The following TBC1D10B variants were observed in gnomAD, a reference collection of about 807,000 sequenced individuals.
TBC1D10B encodes TBC1 domain family member 10B, also known as Rab27A-GAPbeta.
TBC1D10B carries 25 observed loss-of-function variants against 78.4 expected under a neutral mutation model. That is an observed-to-expected ratio of 0.32 (90% CI 0.23 to 0.45). The LOEUF is 0.45. TBC1D10B is among the 20% of genes least tolerant of loss of function. TBC1D10B has a pLI of 1.00. For synonymous variants in TBC1D10B, 517 were observed against 478.0 expected, an observed-to-expected ratio of 1.08 and a Z score of -1.06; for missense variants, 996 against 1,104.8, an observed-to-expected ratio of 0.90 and a Z score of 1.40.
rs376908011 is a variant in TBC1D10B at position 30,358,032 on chromosome 16, G to A, written c.2339C>T (p.Ser780Leu). 1.5e-5 allele frequency: 24 copies of A among 1,551,712 alleles called. No homozygotes were observed. Among genetic ancestry groups the A allele is most frequent in the African/African-American group, 5.5e-5 (4 of 73,054 alleles). ...QEKKAQGRKL[S>L]LRRKADGPPG... The stretch of plus-strand genomic sequence containing the variant: ...GGGCCCATCTGCCTTTCGACGCAGC[G>A]AAAGCTTCCGGCCTTGAGCCTTCTT... The change falls in exon 9 of 9, where the codon TCG (serine) becomes TTG (leucine). Residue 780 changes from serine (S) to leucine (L), a missense_variant. Ser to Leu is a moderately radical substitution (Grantham distance 145). Around this residue, in one of 5 missense-constraint regions of TBC1D10B, gnomAD observed 285 missense variants for 252.5 expected, o/e 1.13. Transcript: ENST00000409939.
rs1415732462 is a variant in TBC1D10B at position 30,370,163 on chromosome 16, G to A, written c.21C>T (p.Pro7=). 8.5e-7 allele frequency: 1 copy of A among 1,183,154 alleles called. No individual in the cohort carries two copies. Among genetic ancestry groups the A allele is most frequent in the Non-Finnish European group, 1.0e-6 (1 of 956,644 alleles). 73.3% of individuals were successfully genotyped at this position (1,183,154 alleles called of 1,614,324 possible). A position where few individuals can be genotyped will look rare whatever the true frequency, so the allele number is the denominator to read the frequency against. ...CATGACGGCGCGGCGGGGCCACCAG[G>A]GGCGCCGTGCCCGTCTCCATGGCCG... is the stretch of plus-strand genomic sequence containing the variant. METGTA[P]LVAPPRRHGA... The change falls in exon 1 of 9, where the codon CCC becomes CCT. Residue 7 remains proline, a synonymous_variant. Transcript: ENST00000409939.
At position 30,359,860 on chromosome 16, in the gene TBC1D10B, A is replaced by C. The variant is rs943921928; in HGVS notation, c.1272-19T>G. ...CTGTTGCCTGTGGGGGTTGGGGAAG[A>C]CTGTGAGGGCAGTCACGGGCTGAGA... On this transcript the variant is annotated intron_variant, in intron 4 of 8. Coordinates refer to ENST00000409939, the MANE Select transcript of TBC1D10B (RefSeq NM_015527.4). The C allele has an allele frequency of 3.9e-6, 6 of 1,547,648 alleles. No individual in the cohort carries two copies. In the African/African-American group the frequency reaches 8.2e-5, roughly 21 times the overall value.
At chr16:30,367,076 A>T (rs1418890422) in intron 1 of TBC1D10B, 3 of 152,302 alleles carry the variant, frequency 2.0e-5, no homozygotes, top group Non-Finnish European at 4.4e-5. Context: ...CATGTCTTCA[A>T]TCCGATACTC....
At chr16:30,359,976 G>C (rs1354270864) in intron 4 of TBC1D10B, 135 bp from the exon 5 acceptor site, 1 of 816,326 alleles carries the variant, frequency 1.2e-6, no homozygotes, top group Non-Finnish European at 1.9e-6. Context: ...GCGAGCTTCA[G>C]CTAAAGGCTC....
In TBC1D10B at chr16:30,359,327, G is replaced by A; in HGVS notation, c.1487C>T (p.Ala496Val). Residue 496 changes from alanine (A) to valine (V), a missense_variant, in exon 7 of 9, where the codon GCA becomes GTA. By Grantham distance (64) the Ala-to-Val change is moderately conservative. Transcript: ENST00000409939. ...AIQLDGEIFF[A>V]LLRRASPLAH... ...CAGCGGGGAGGCCCGGCGCAGGAGT[G>A]CAAAAAAGATCTCCCCGTCCAGCTG... The A allele has an allele frequency of 1.3e-6, 2 of 1,585,782 alleles. No individual in the cohort carries two copies. Among genetic ancestry groups the A allele is most frequent in the Non-Finnish European group, 1.7e-6 (2 of 1,166,764 alleles).
At chr16:30,359,079 C>A in intron 7 of TBC1D10B, 93 bp downstream of exon 7, 2 of 1,447,290 alleles carry the variant, frequency 1.4e-6, no homozygotes, top group East Asian at 2.5e-5. Context: ...CAACAAGTAC[C>A]TTTTGTCCAT....
chr16:30,369,947 G>T lies in TBC1D10B; in HGVS notation c.237C>A (p.Ala79=). The T allele has an allele frequency of 8.2e-7, 1 of 1,217,798 alleles. No homozygotes were observed. Among genetic ancestry groups the T allele is most frequent in the Non-Finnish European group, 1.0e-6 (1 of 955,350 alleles). The allele number at this position is 1,217,798 out of a possible 1,614,324, so 75.4% of individuals were successfully genotyped here. A position where few individuals can be genotyped will look rare whatever the true frequency, so the allele number is the denominator to read the frequency against. The change falls in exon 1 of 9, where the codon GCC becomes GCA. Residue 79 remains alanine, a synonymous_variant. Transcript: ENST00000409939. The surrounding 1 kb of genome is among the most constrained non-coding windows in gnomAD (Gnocchi z 4.3). ...TSAPAPAPAP[A]PAPAVTGSTV... Reference sequence around the variant, plus strand: ...TGCTGCCCGTGACAGCCGGGGCTGGGGCCGGGGCTGGGGCCGGGGCCGGAG... The same window carrying T: ...TGCTGCCCGTGACAGCCGGGGCTGGTGCCGGGGCTGGGGCCGGGGCCGGAG...
At position 30,359,318 on chromosome 16, in the gene TBC1D10B, C is replaced by T. The variant is rs781386162; in HGVS notation, c.1496G>A (p.Arg499His). The change falls in exon 7 of 9, where the codon CGC becomes CAC. Residue 499 changes from arginine to histidine, a missense_variant. Around this residue, in one of 5 missense-constraint regions of TBC1D10B, gnomAD observed 168 missense variants for 238.7 expected, o/e 0.70. Coordinates refer to ENST00000409939, the MANE Select transcript of TBC1D10B (RefSeq NM_015527.4). ...GCGATGCGCCAGCGGGGAGGCCCGGCGCAGGAGTGCAAAAAAGATCTCCCC... is the reference window on the plus strand; with the variant it reads ...GCGATGCGCCAGCGGGGAGGCCCGGTGCAGGAGTGCAAAAAAGATCTCCCC... ...LDGEIFFALL[R>H]RASPLAHRHL... 9 of 1,590,634 alleles carry T rather than the reference C, an allele frequency of 5.7e-6. No individual in the cohort carries two copies. The highest frequency in any genetic ancestry group is 1.1e-5 in the South Asian group (1 of 87,868).
rs2049678166 is a variant in TBC1D10B, at chr16:30,370,213, C to G, written c.-30G>C. On this transcript the variant is annotated 5_prime_UTR_variant, in exon 1 of 9. Coordinates refer to ENST00000409939, the MANE Select transcript of TBC1D10B (RefSeq NM_015527.4). ...GCGGGCCGCCCCTCACATCCCCCCG[C>G]CGGGGAGGCCGCAGAAGGCGCCGCC... 1 of 1,101,026 alleles carries G rather than the reference C, an allele frequency of 9.1e-7. No homozygotes were observed. The highest frequency in any genetic ancestry group is 1.1e-6 in the Non-Finnish European group (1 of 893,496). 68.2% of individuals were successfully genotyped at this position (1,101,026 alleles called of 1,614,324 possible).
In TBC1D10B at chr16:30,358,004, TGGGGGCCC is replaced by T. The variant is rs1481873698; in HGVS notation, c.2359_2366del (p.Gly787ArgfsTer4). 6.4e-7 allele frequency: 1 copy of T among 1,551,768 alleles called. No individual in the cohort carries two copies. The highest frequency in any genetic ancestry group is 8.7e-7 in the Non-Finnish European group (1 of 1,146,986). ...GCCTGTCCCCACCATCATGGGGGCC[TGGGGGCCC>T]ATCTGCCTTTCGACGCAGCGAAAGC... On this transcript the variant is annotated frameshift_variant, in exon 9 of 9. Transcript: ENST00000409939. LOFTEE classifies it high-confidence loss of function.
In TBC1D10B at chr16:30,358,586, G is replaced by A. The variant is rs1285474422; in HGVS notation, c.1798-13C>T. 1.5e-5 allele frequency: 24 copies of A among 1,593,584 alleles called. No individual in the cohort carries two copies. Among genetic ancestry groups the A allele is most frequent in the Non-Finnish European group, 1.9e-5 (22 of 1,165,350 alleles). ...GCAGATTGGTCACCTGCACAGAGAG[G>A]AAATGCGTACCAGAATGGAGCTGAG... On this transcript the variant is annotated splice_polypyrimidine_tract_variant and intron_variant, in intron 8 of 8. Transcript: ENST00000409939.
chr16:30,369,264 T>C lies in TBC1D10B; in HGVS notation c.920A>G (p.Tyr307Cys). The C allele has an allele frequency of 6.3e-7, 1 of 1,588,162 alleles. No individual in the cohort carries two copies. The highest frequency in any genetic ancestry group is 2.3e-5 in the East Asian group (1 of 43,400). The change falls in exon 1 of 9, where the codon TAT (tyrosine) becomes TGT (cysteine). Residue 307 changes from tyrosine to cysteine, a missense_variant. Tyr to Cys is a radical substitution (Grantham distance 194). Around this residue, in one of 5 missense-constraint regions of TBC1D10B, gnomAD observed 448 missense variants for 442.1 expected, o/e 1.01. Coordinates refer to ENST00000409939, the MANE Select transcript of TBC1D10B (RefSeq NM_015527.4). This position sits in a 1 kb window ranked among gnomAD's most constrained non-coding sequence, Gnocchi z 4.3. ...GTACTGGCTGCCCCCAAGGAAGCCA[T>C]ACTTGTCCGTCTTGCGCAGGGCCAG... is the stretch of plus-strand genomic sequence containing the variant. ...NGLALRKTDK[Y>C]GFLGGSQYSG...
In TBC1D10B at chr16:30,365,290, C is replaced by T. The variant is rs2049628054; in HGVS notation, c.1057-78G>A. The stretch of plus-strand genomic sequence containing the variant: ...ACCTTTCCCCAGCAGTCCACAAACT[C>T]CCTGGATACTCCTCCGACATCCCAT... On this transcript the variant is annotated intron_variant, in intron 2 of 8. Transcript: ENST00000409939. This position sits in a 1 kb window ranked among gnomAD's most constrained non-coding sequence, Gnocchi z 5.0. 1.0e-5 allele frequency: 14 copies of T among 1,367,334 alleles called. No individual in the cohort carries two copies. The highest frequency in any genetic ancestry group is 1.5e-5 in the Non-Finnish European group (14 of 965,424). The allele number at this position is 1,367,334 out of a possible 1,614,324, so 84.7% of individuals were successfully genotyped here.
chr16:30,358,480 G>T lies in TBC1D10B; in HGVS notation c.1891C>A (p.Arg631=). 1 of 1,598,126 alleles carries T rather than the reference G, an allele frequency of 6.3e-7. No homozygotes were observed. The highest frequency in any genetic ancestry group is 1.1e-5 in the South Asian group (1 of 88,634). The part of the protein sequence containing the change: ...WRETRGELQY[R]PSRRLHGSRA... ...GACCCATGCAGTCGCCGTGAGGGCC[G>T]ATACTGCAGCTCCCCCCGCGTTTCC... The change falls in exon 9 of 9, where the codon CGG becomes AGG. Residue 631 remains arginine (R), a synonymous_variant. Coordinates refer to ENST00000409939, the MANE Select transcript of TBC1D10B (RefSeq NM_015527.4).
chr16:30,357,700 C>G lies in TBC1D10B; in HGVS notation c.*244G>C. ...CACCTAGGAGGGGACCCAGAGGGAA[C>G]TGGGGCAGGAGCGACAGAGACCCCA... On this transcript the variant is annotated 3_prime_UTR_variant, in exon 9 of 9. Transcript: ENST00000409939. 1.6e-6 allele frequency: 1 copy of G among 614,392 alleles called. No homozygotes were observed. The highest frequency in any genetic ancestry group is 2.8e-5 in the East Asian group (1 of 35,504). 38.1% of individuals were successfully genotyped at this position (614,392 alleles called of 1,614,324 possible).
In TBC1D10B at chr16:30,359,420, G is replaced by C. The variant is rs985327429; in HGVS notation, c.1453-59C>G. 10 of 1,546,608 alleles carry C rather than the reference G, an allele frequency of 6.5e-6. No homozygotes were observed. In the African/African-American group the frequency reaches 8.2e-5, roughly 13 times the overall value. On this transcript the variant is annotated intron_variant, in intron 6 of 8. Coordinates refer to ENST00000409939, the MANE Select transcript of TBC1D10B (RefSeq NM_015527.4). The stretch of plus-strand genomic sequence containing the variant: ...AGTCAGCTGTGCCCCCATCAGGGGA[G>C]AACTGGCCGGCCCTGTGGGCAGAAG...
rs1321006916 is a variant in TBC1D10B at position 30,358,551 on chromosome 16, T to G, written c.1820A>C (p.Glu607Ala). ...TGCATTCTCCCGCTCAATCAGTGCT[T>G]CTGTCACCGGCAGATTGGTCACCTG... is the stretch of plus-strand genomic sequence containing the variant. ...VHEVTNLPVTEALIERENAAQ... is the reference protein window; with the variant it reads ...VHEVTNLPVTAALIERENAAQ... Residue 607 changes from glutamate to alanine, a missense_variant, in exon 9 of 9, where the codon GAA (glutamate) becomes GCA (alanine). By Grantham distance (107) the Glu-to-Ala change is moderately radical. Around this residue, in one of 5 missense-constraint regions of TBC1D10B, gnomAD observed 168 missense variants for 238.7 expected, o/e 0.70. Transcript: ENST00000409939. The G allele has an allele frequency of 1.2e-6, 2 of 1,603,206 alleles. No homozygotes were observed. The highest frequency in any genetic ancestry group is 1.7e-6 in the Non-Finnish European group (2 of 1,171,576).
chr16:30,360,808 C>A (rs1231301874), intron 4 of TBC1D10B, among the ~76,000 whole-genome samples: 1 of 152,116 alleles, frequency 6.6e-6, no homozygotes, highest in Non-Finnish European at 1.5e-5. Flanking sequence ...CTCCCTGTTG[C>A]TATGGGTGAA....
Position 30,365,434 on chromosome 16 carries a change from T to C in TBC1D10B, c.1056+61A>G, listed in dbSNP as rs201654687. The C allele has an allele frequency of 1.9e-6, 3 of 1,580,792 alleles. No homozygotes were observed. The East Asian group carries it at 6.7e-5, about 35-fold the overall frequency. On this transcript the variant is annotated intron_variant, in intron 2 of 8. Transcript: ENST00000409939. This position sits in a 1 kb window ranked among gnomAD's most constrained non-coding sequence, Gnocchi z 5.0. ...ATATTATCGGCTTCCTGGGCTTCCCTGGAGCACATGCTACCCCTCCCAACT... is the reference window on the plus strand; with the variant it reads ...ATATTATCGGCTTCCTGGGCTTCCCCGGAGCACATGCTACCCCTCCCAACT...
Sources: gnomAD v4.1 joint callset for allele counts (sites outside exome capture counted in the v4.1 genomes callset) on GRCh38, gnomAD v4.1.1 for gene constraint, gnomAD v4.1.1 regional missense constraint, Gnocchi (gnomAD v3.1) non-coding constraint, MANE v1.5 for transcripts, NCBI Gene and HGNC (gene_info 2026-07-23, HGNC 2026-07-21) for gene names.